The following SP110 variants were observed in gnomAD, a reference collection of about 807,000 sequenced individuals.
The protein encoded by SP110 is SP110 nuclear body protein, also known as interferon-induced protein 41, 30kD.
SP110 carries 62 observed loss-of-function variants against 92.7 expected under a neutral mutation model. The ratio of observed to expected loss-of-function variants is 0.67; its 90% confidence interval spans 0.55 to 0.83. SP110 has a LOEUF of 0.83. SP110 is among the 40% of genes least tolerant of loss of function. The pLI, the probability that SP110 is intolerant of heterozygous loss-of-function variation, is 0.00. For missense variants in SP110, 793 were observed against 863.9 expected (o/e 0.92, Z 1.03); for synonymous variants, 273 against 305.3 (o/e 0.89, Z 1.10).
intron 14 of SP110, among the ~76,000 whole-genome samples, chr2:230,175,740 T>C (rs1449027503): frequency 6.6e-6 from 1 of 152,076 alleles, no homozygotes; most frequent in Non-Finnish European, 1.5e-5. Context: ...GTGCAGCCAA[T>C]AGATGACTGC....
chr2:230,198,689 G>T (rs1240941170), intron 10 of SP110, among the ~76,000 whole-genome samples: 1 of 151,984 alleles, frequency 6.6e-6, no homozygotes, highest in Non-Finnish European at 1.5e-5. Context: ...CTGCCTCCTG[G>T]GTTCAAGCAA....
intron 9 of SP110, among the ~76,000 whole-genome samples, chr2:230,201,552 T>C (rs1362444233): frequency 2.6e-5 from 4 of 152,248 alleles, no homozygotes; most frequent in Non-Finnish European, 5.9e-5. Flanking sequence ...TTATTAATTT[T>C]ATTAAATTTC....
intron 11 of SP110, among the ~76,000 whole-genome samples, chr2:230,184,456 G>A (rs1050023333): frequency 6.6e-6 from 1 of 152,172 alleles, no homozygotes; most frequent in Non-Finnish European, 1.5e-5. Flanking sequence ...GTAGAGGCCA[G>A]AGATGTCGCT....
At chr2:230,204,779 A>T (rs2043579288) in intron 8 of SP110, among the ~76,000 whole-genome samples, 1 of 152,226 alleles carries the variant, frequency 6.6e-6, no homozygotes, top group African/African-American at 2.4e-5. Context: ...TAGGGGTCAG[A>T]GTATGTATTC....
intron 10 of SP110, among the ~76,000 whole-genome samples, chr2:230,198,157 T>A (rs1315832587): frequency 7.5e-6 from 1 of 133,198 alleles, no homozygotes; most frequent in Non-Finnish European, 1.6e-5. Context: ...AGGGCTGCTG[T>A]CCTCTATGTG....
chr2:230,191,228 G>C (rs543559654), intron 10 of SP110, among the ~76,000 whole-genome samples: 3 of 152,184 alleles, frequency 2.0e-5, no homozygotes, highest in Admixed American at 6.5e-5. Context: ...ACAATTAAAA[G>C]AGCTAGAGAG....
chr2:230,185,006 C>T (rs57870473), intron 11 of SP110, among the ~76,000 whole-genome samples: 2,993 of 152,276 alleles, frequency 0.02, 104 homozygotes, highest in African/African-American at 0.067. Flanking sequence ...AAGGCAGAGT[C>T]GAGTAGTTGC....
At chr2:230,216,020 C>T (rs1202797539) in intron 2 of SP110, among the ~76,000 whole-genome samples, 1 of 152,100 alleles carries the variant, frequency 6.6e-6, no homozygotes, top group African/African-American at 2.4e-5. Flanking sequence ...GTCTAGGGCT[C>T]AATTAATGCT....
rs1210998370 is a variant in SP110 at position 230,183,600 on chromosome 2, C to T, written c.1320G>A (p.Arg440=). The T allele has an allele frequency of 6.2e-7, 1 of 1,608,990 alleles. No homozygotes were observed. Among genetic ancestry groups the T allele is most frequent in the African/African-American group, 1.3e-5 (1 of 74,966 alleles). ...KEKDICSSSK[R]RFQKNIHRRG... is the part of the protein sequence containing the mutation. ...TTCGGTGAATATTTTTCTGAAATCT[C>T]CTTTTTGAGCTTGAACAGATATCTT... The change falls in exon 12 of 19, where the codon AGG becomes AGA. Residue 440 remains arginine, a synonymous_variant. Transcript: ENST00000258381.
At position 230,167,332 on chromosome 2, in the gene SP110, C is replaced by G. The variant is rs4973278; in HGVS notation, c.*1792G>C. The stretch of plus-strand genomic sequence containing the variant: ...TTGCCATGTTACCCAGGCTGGTCTT[C>G]AACTCCTGGACTCAAGCGATCCACC... On this transcript the variant is annotated 3_prime_UTR_variant, in exon 19 of 19. Coordinates refer to ENST00000258381, the MANE Select transcript of SP110 (RefSeq NM_080424.4). 98,697 of 146,392 alleles carry G rather than the reference C, an allele frequency of 0.67. 33,279 individuals carry two copies. The highest frequency in any genetic ancestry group is 0.74 in the Middle Eastern group (213 of 288). 9.1% of individuals were successfully genotyped at this position (146,392 alleles called of 1,614,324 possible).
chr2:230,177,400 T>C, intron 14 of SP110, 138 bp downstream of exon 14: 1 of 965,158 alleles, frequency 1.0e-6, no homozygotes, highest in Non-Finnish European at 1.7e-6. Context: ...ACCCACAGTT[T>C]TTTTTCTATG....
rs975155633 is a variant in SP110 at position 230,186,094 on chromosome 2, A to C, written c.1179T>G (p.Asp393Glu). The stretch of plus-strand genomic sequence containing the variant: ...AGTCGTCTTTCCTTTGAGTCACCTT[A>C]TCCACCACTTGGAGCTTCTCTTGGA... ...HGIQEKLQVV[D>E]KVTQRKDDST... Residue 393 changes from aspartate (D) to glutamate (E), a missense_variant, in exon 11 of 19, where the codon GAT becomes GAG. Coordinates refer to ENST00000258381, the MANE Select transcript of SP110 (RefSeq NM_080424.4). 3.1e-6 allele frequency: 5 copies of C among 1,613,872 alleles called. No homozygotes were observed. In the African/African-American group the frequency reaches 5.3e-5, roughly 17 times the overall value.
At position 230,166,328 on chromosome 2, in the gene SP110, C is replaced by T. The variant is rs2078310782; in HGVS notation, c.*2796G>A. Among the ~76,000 whole-genome samples, 1 of 152,232 alleles carries T rather than the reference C, an allele frequency of 6.6e-6. No individual in the cohort carries two copies. The highest frequency in any genetic ancestry group is 1.5e-5 in the Non-Finnish European group (1 of 68,056). On this transcript the variant is annotated 3_prime_UTR_variant, in exon 19 of 19. Transcript: ENST00000258381. ...AAGAAAGCAGATAATGTGGTTACCA[C>T]TGTCTCTCCAGTGAACTCTGGGTCA... is the stretch of plus-strand genomic sequence containing the variant.
intron 1 of SP110, among the ~76,000 whole-genome samples, chr2:230,218,376 T>C (rs563982881): frequency 4.6e-5 from 7 of 152,216 alleles, no homozygotes; most frequent in Middle Eastern, 3.4e-3. Flanking sequence ...CGCAATCGCA[T>C]AGGAAAACAA....
At chr2:230,208,468 G>C (rs563801949) in intron 7 of SP110, among the ~76,000 whole-genome samples, 4 of 152,200 alleles carry the variant, frequency 2.6e-5, no homozygotes, top group Non-Finnish European at 4.4e-5. Context: ...GAGGCAGAAG[G>C]ATTGTCTTAG....
intron 10 of SP110, among the ~76,000 whole-genome samples, chr2:230,192,771 G>A (rs1260511236): frequency 6.6e-6 from 1 of 152,088 alleles, no homozygotes; most frequent in Admixed American, 6.5e-5. Flanking sequence ...AAAATTTATT[G>A]AGACTTGTTT....
intron 1 of SP110, 73 bp downstream of exon 1, chr2:230,219,801 G>A: frequency 2.1e-6 from 1 of 474,766 alleles, no homozygotes; most frequent in Non-Finnish European, 2.8e-6. Flanking sequence ...CCCTGCAGCT[G>A]CTGCCGCGAA....
intron 11 of SP110, among the ~76,000 whole-genome samples, chr2:230,184,365 G>T (rs1440050645): frequency 6.6e-6 from 1 of 151,842 alleles, no homozygotes; most frequent in Non-Finnish European, 1.5e-5. Flanking sequence ...GGGTGATTTT[G>T]CTCTCAGGGG....
chr2:230,211,548 T>C lies in SP110; in HGVS notation c.673A>G (p.Ser225Gly). 6.2e-7 allele frequency: 1 copy of C among 1,601,590 alleles called. No homozygotes were observed. The highest frequency in any genetic ancestry group is 1.1e-5 in the South Asian group (1 of 90,832). ...CTTATTTGGGGGATCAGGTTGTCAC[T>C]GGCCACTGAATGGAGGAAGAAAAAG... The part of the protein sequence containing the change: ...SLLTSTVQVA[S>G]DNLIPQIRDK... Residue 225 changes from serine (S) to glycine (G), a missense_variant, in exon 6 of 19, where the codon AGT (serine) becomes GGT (glycine). By Grantham distance (56) the Ser-to-Gly change is moderately conservative (BLOSUM62 0). Coordinates refer to ENST00000258381, the MANE Select transcript of SP110 (RefSeq NM_080424.4). The surrounding 1 kb of genome is among the most constrained non-coding windows in gnomAD (Gnocchi z 4.2).
Sources: allele counts gnomAD v4.1 joint callset (sites outside exome capture counted in the v4.1 genomes callset), GRCh38; gene constraint gnomAD v4.1.1; non-coding constraint Gnocchi (gnomAD v3.1); transcripts MANE v1.5; gene names NCBI Gene and HGNC (gene_info 2026-07-23, HGNC 2026-07-21).